The following RBFOX1 variants were observed in gnomAD, a reference collection of about 807,000 sequenced individuals.
RBFOX1 encodes the protein RNA binding fox-1 homolog 1.
Under a neutral mutation model 57.7 loss-of-function variants are expected in RBFOX1, and 8 were observed. The ratio of observed to expected loss-of-function variants is 0.14; its 90% CI spans 0.08 to 0.25. The LOEUF (loss-of-function observed/expected upper bound fraction) is 0.25. Ranked by LOEUF, RBFOX1 falls within the 10% of genes least tolerant of loss-of-function variation. The pLI, the probability that RBFOX1 is intolerant of heterozygous loss-of-function variation, is 1.00. For synonymous variants in RBFOX1, 326 were observed against 222.4 expected, an observed-to-expected ratio of 1.47 and a Z score of -4.15; for missense variants, 611 against 548.5, an observed-to-expected ratio of 1.11 and a Z score of -1.14.
chr16:5,817,699 A>ATT (rs36037789), intron 3 of RBFOX1, among the ~76,000 whole-genome samples: 4,339 of 141,302 alleles, frequency 0.031, 199 homozygotes, highest in African/African-American at 0.1. Context: ...TGTGGGCTGT[A>ATT]TTTTTTTTTT....
At chr16:6,676,034 A>C (rs2057585052) in intron 3 of RBFOX1, among the ~76,000 whole-genome samples, 1 of 152,200 alleles carries the variant, frequency 6.6e-6, no homozygotes, top group East Asian at 1.9e-4. Context: ...GAGGTCCTCA[A>C]AAGGTTTAAA....
At chr16:6,233,387 G>C (rs1036996136) in intron 1 of RBFOX1, among the ~76,000 whole-genome samples, 9 of 151,904 alleles carry the variant, frequency 5.9e-5, no homozygotes, top group African/African-American at 2.2e-4. Flanking sequence ...TGGTTGCAGT[G>C]GGGATCTGAC....
At chr16:7,135,708 T>C (rs904092648) in intron 4 of RBFOX1, among the ~76,000 whole-genome samples, 4 of 152,370 alleles carry the variant, frequency 2.6e-5, no homozygotes, top group African/African-American at 9.6e-5. Context: ...CCTAAGTGAA[T>C]TGAAATTTTA....
At chr16:7,353,312 A>G (rs1054899500) in intron 4 of RBFOX1, among the ~76,000 whole-genome samples, 10 of 152,228 alleles carry the variant, frequency 6.6e-5, no homozygotes, top group South Asian at 2.1e-4. Context: ...ATAGACAGCA[A>G]GAAGTGTCAG....
At chr16:7,052,203 T>C in intron 4 of RBFOX1, 105 bp downstream of exon 4, 2 of 1,465,060 alleles carry the variant, frequency 1.4e-6, no homozygotes, top group Non-Finnish European at 1.8e-6. Flanking sequence ...ACAGGCTTCA[T>C]CTTAAGACTG....
At chr16:6,165,647 T>C (rs2096911607) in intron 1 of RBFOX1, among the ~76,000 whole-genome samples, 1 of 152,176 alleles carries the variant, frequency 6.6e-6, no homozygotes, top group South Asian at 2.1e-4. Flanking sequence ...GCCTGCTTCG[T>C]TTGAATTTTG....
At chr16:7,364,072 A>G (rs370409672) in intron 4 of RBFOX1, among the ~76,000 whole-genome samples, 3 of 152,240 alleles carry the variant, frequency 2.0e-5, no homozygotes, top group South Asian at 4.1e-4. Flanking sequence ...CCCAAGTCCT[A>G]TTAAAGCTCA....
At chr16:7,172,333 C>T (rs1443220832) in intron 4 of RBFOX1, among the ~76,000 whole-genome samples, 1 of 152,188 alleles carries the variant, frequency 6.6e-6, no homozygotes, top group Non-Finnish European at 1.5e-5. Flanking sequence ...CTCCTCAGTA[C>T]CCTACACATC....
At chr16:5,982,745 C>T (rs2060199136) in intron 4 of RBFOX1, among the ~76,000 whole-genome samples, 2 of 152,164 alleles carry the variant, frequency 1.3e-5, no homozygotes, top group Admixed American at 6.5e-5. Flanking sequence ...CCTTACTGTG[C>T]TGTGTTTTCC....
In RBFOX1 at chr16:7,521,854, G is replaced by A. The variant is rs187398915; in HGVS notation, c.270+3465G>A. Among the ~76,000 whole-genome samples, 105 of 152,182 alleles carry A rather than the reference G, an allele frequency of 6.9e-4. 1 individual carries two copies. Among genetic ancestry groups the A allele is most frequent in the Non-Finnish European group, 1.1e-3 (75 of 68,028 alleles). The stretch of plus-strand genomic sequence containing the variant: ...TCCAGGCGGAGGGTGGACACAGCCT[G>A]GTTTTTGGAACGTGTCCATCAGCTT... On this transcript the variant is annotated intron_variant, in intron 5 of 15. Coordinates refer to ENST00000550418, the MANE Select transcript of RBFOX1 (RefSeq NM_018723.4).
At chr16:7,332,957 A>G in intron 4 of RBFOX1, 1 of 1,612,538 alleles carries the variant, frequency 6.2e-7, no homozygotes, top group African/African-American at 1.3e-5. Context: ...CTAACTCTCC[A>G]TTGATGTGTT....
At chr16:5,659,977 G>A (rs897244996) in intron 3 of RBFOX1, among the ~76,000 whole-genome samples, 9 of 152,254 alleles carry the variant, frequency 5.9e-5, no homozygotes, top group Non-Finnish European at 8.8e-5. Flanking sequence ...ACAGGTTGCA[G>A]TATTATCGAT....
In RBFOX1 at chr16:5,814,362, C is replaced by T. The variant is rs564574678; in HGVS notation, c.319-52941C>T. Among the ~76,000 whole-genome samples the T allele has an allele frequency of 2.0e-5, 3 of 152,294 alleles. No homozygotes were observed. In the East Asian group the frequency reaches 5.8e-4, roughly 29 times the overall value. On this transcript the variant is annotated intron_variant, in intron 3 of 19. Transcript: ENST00000641259. Reference sequence around the variant, plus strand: ...TAATTTATATGAAGATCTCTGTTTGCTTCCTGCCTTCCCAAATCCAAGCTT... The same window carrying T: ...TAATTTATATGAAGATCTCTGTTTGTTTCCTGCCTTCCCAAATCCAAGCTT...
At chr16:5,514,782 A>C (rs11640784) in intron 2 of RBFOX1, among the ~76,000 whole-genome samples, 39,651 of 151,946 alleles carry the variant, frequency 0.26, 5,478 homozygotes, top group Non-Finnish European at 0.31. Context: ...AGAGGGAGAG[A>C]GGGAGGAGAA....
At chr16:6,985,484 A>T (rs540288054) in intron 3 of RBFOX1, among the ~76,000 whole-genome samples, 82 of 152,260 alleles carry the variant, frequency 5.4e-4, no homozygotes, top group Non-Finnish European at 8.8e-4. Context: ...CACATCTCTT[A>T]AAAAATTAAT....
intron 2 of RBFOX1, among the ~76,000 whole-genome samples, chr16:6,385,260 G>A (rs927227300): frequency 2.6e-5 from 4 of 152,208 alleles, no homozygotes; most frequent in African/African-American, 7.2e-5. Context: ...AGTTAAGGAC[G>A]TAGGTCTGGG....
chr16:7,048,224 G>T (rs1190627411), intron 3 of RBFOX1, among the ~76,000 whole-genome samples: 1 of 151,050 alleles, frequency 6.6e-6, no homozygotes, highest in Non-Finnish European at 1.5e-5. Flanking sequence ...TTATTTTTAT[G>T]GTTGTAAAAT....
At chr16:7,581,709 C>G (rs540275797) in intron 6 of RBFOX1, among the ~76,000 whole-genome samples, 18 of 152,174 alleles carry the variant, frequency 1.2e-4, no homozygotes, top group Non-Finnish European at 2.6e-4. Context: ...TCCAAATCTA[C>G]TAGTTTCAGG....
intron 3 of RBFOX1, among the ~76,000 whole-genome samples, chr16:6,689,554 C>A (rs538117218): frequency 6.6e-6 from 1 of 152,060 alleles, no homozygotes; most frequent in African/African-American, 2.4e-5. Context: ...ACTTATCTTT[C>A]CTGTAAGGTG....
Sources: gnomAD v4.1 joint callset for allele counts (sites outside exome capture counted in the v4.1 genomes callset) on GRCh38, gnomAD v4.1.1 for gene constraint, MANE v1.5 for transcripts, NCBI Gene and HGNC (gene_info 2026-07-23, HGNC 2026-07-21) for gene names.